GRM1: variants seen among roughly 807,000 people sequenced by gnomAD.
GRM1 encodes the protein glutamate metabotropic receptor 1.
In GRM1, 33 loss-of-function variants were observed where a neutral mutation model predicts 90.9. The ratio of observed to expected loss-of-function variants is 0.36; its 90% confidence interval spans 0.28 to 0.49. The LOEUF is 0.49. Among genes scored for constraint, GRM1 ranks in the 20% least tolerant of loss-of-function variants. The pLI, the probability that GRM1 is intolerant of heterozygous loss-of-function variation, is 0.99. For synonymous variants in GRM1, 700 were observed against 613.2 expected (o/e 1.14, Z -2.09); for missense variants, 1,190 against 1,534.3 (o/e 0.78, Z 3.75).
chr6:146,349,237 T>A (rs1338843167), intron 3 of GRM1, among the ~76,000 whole-genome samples: 71 of 106,036 alleles, frequency 6.7e-4, no homozygotes, highest in African/African-American at 2.4e-3. Context: ...CGGCTATTTT[T>A]TTTTTTTTAT....
chr6:146,039,289 C>G (rs1403864900), intron 1 of GRM1, among the ~76,000 whole-genome samples: 1 of 151,982 alleles, frequency 6.6e-6, no homozygotes, highest in Non-Finnish European at 1.5e-5. Context: ...AAGGTGACAT[C>G]TGAAGTTCAC....
intron 3 of GRM1, among the ~76,000 whole-genome samples, chr6:146,339,635 A>G (rs1036998428): frequency 1.2e-4 from 19 of 152,210 alleles, no homozygotes; most frequent in African/African-American, 4.6e-4. Context: ...GTCATTCACT[A>G]TAAGAATAAT....
At chr6:146,058,807 A>T (rs1333811747) in intron 1 of GRM1, among the ~76,000 whole-genome samples, 1 of 152,142 alleles carries the variant, frequency 6.6e-6, no homozygotes, top group East Asian at 1.9e-4. Flanking sequence ...CTTCACCAGG[A>T]GCAGATTTTG....
At chr6:146,332,117 G>A (rs561573485) in intron 3 of GRM1, among the ~76,000 whole-genome samples, 2 of 152,254 alleles carry the variant, frequency 1.3e-5, no homozygotes, top group African/African-American at 4.8e-5. Flanking sequence ...TTTTCATGGA[G>A]TATCTTTTTA....
chr6:146,329,704 T>A (rs1376306639), intron 3 of GRM1, among the ~76,000 whole-genome samples: 2 of 152,202 alleles, frequency 1.3e-5, no homozygotes, highest in African/African-American at 4.8e-5. Flanking sequence ...AAAAATGTGT[T>A]GAATACACCT....
chr6:146,343,334 A>G (rs1327982605), intron 3 of GRM1, among the ~76,000 whole-genome samples: 1 of 152,208 alleles, frequency 6.6e-6, no homozygotes, highest in African/African-American at 2.4e-5. Flanking sequence ...AAAAAATGCT[A>G]TGCTCTTTGA....
At chr6:146,106,343 A>T (rs897382082) in intron 1 of GRM1, among the ~76,000 whole-genome samples, 1 of 152,192 alleles carries the variant, frequency 6.6e-6, no homozygotes, top group Non-Finnish European at 1.5e-5. Flanking sequence ...ACAGACCCTT[A>T]AGATACCTTT....
chr6:146,123,853 C>T (rs1776097934), intron 1 of GRM1, among the ~76,000 whole-genome samples: 1 of 152,172 alleles, frequency 6.6e-6, no homozygotes, highest in African/African-American at 2.4e-5. Context: ...ACCATGGATT[C>T]ATCCTTATTT....
intron 2 of GRM1, among the ~76,000 whole-genome samples, chr6:146,209,527 T>G (rs1331078400): frequency 6.6e-6 from 1 of 152,158 alleles, no homozygotes; most frequent in East Asian, 1.9e-4. Context: ...GCACATGAGA[T>G]ACCTTTTATT....
chr6:146,152,608 T>G (rs1777379718), intron 1 of GRM1, among the ~76,000 whole-genome samples: 1 of 152,050 alleles, frequency 6.6e-6, no homozygotes. Context: ...TCCTCACTTG[T>G]AAAAGAGGGG....
chr6:146,378,335 GCTGCAGACACTCAACAGCAGC>G (rs546714300), intron 5 of GRM1, among the ~76,000 whole-genome samples: 48 of 152,280 alleles, frequency 3.2e-4, no homozygotes, highest in African/African-American at 1.1e-3. Context: ...GCCTGGAAAA[GCTGCAGACACTCAACAGCAGC>G]CCGTGAAAGC....
At chr6:146,058,647 G>T (rs1337921385) in intron 1 of GRM1, among the ~76,000 whole-genome samples, 1 of 152,040 alleles carries the variant, frequency 6.6e-6, no homozygotes, top group African/African-American at 2.4e-5. Flanking sequence ...TTTCATTAAC[G>T]ACTTCTCTGT....
intron 1 of GRM1, among the ~76,000 whole-genome samples, chr6:146,129,875 C>G (rs1035563918): frequency 2.0e-5 from 3 of 151,984 alleles, no homozygotes; most frequent in Non-Finnish European, 4.4e-5. Flanking sequence ...AGCCTGGACT[C>G]CTAAGGCTAG....
chr6:146,245,742 A>G (rs960813475), intron 2 of GRM1, among the ~76,000 whole-genome samples: 1 of 152,172 alleles, frequency 6.6e-6, no homozygotes, highest in African/African-American at 2.4e-5. Context: ...ATTATTGAGA[A>G]CCCTCTAAGG....
At chr6:146,358,589 G>A (rs1263764089) in intron 5 of GRM1, among the ~76,000 whole-genome samples, 2 of 152,196 alleles carry the variant, frequency 1.3e-5, no homozygotes, top group Non-Finnish European at 2.9e-5. Flanking sequence ...CTGCCATGCT[G>A]ACATGCCGCT....
intron 2 of GRM1, among the ~76,000 whole-genome samples, chr6:146,194,972 G>A (rs1191556572): frequency 6.6e-6 from 1 of 152,126 alleles, no homozygotes; most frequent in South Asian, 2.1e-4. Context: ...TTGTTGTAAA[G>A]AATTAAATGA....
At chr6:146,320,255 A>G (rs942771176) in intron 3 of GRM1, among the ~76,000 whole-genome samples, 4 of 152,120 alleles carry the variant, frequency 2.6e-5, no homozygotes, top group Admixed American at 6.5e-5. Context: ...TGTTTCTGTG[A>G]TGGATTACGT....
intron 2 of GRM1, among the ~76,000 whole-genome samples, chr6:146,208,749 C>G (rs1349915651): frequency 6.6e-6 from 1 of 152,080 alleles, no homozygotes; most frequent in Non-Finnish European, 1.5e-5. Context: ...AGATAAATTA[C>G]TGGCAGTATT....
At chr6:146,301,565 C>T (rs553978166) in intron 2 of GRM1, among the ~76,000 whole-genome samples, 1 of 152,278 alleles carries the variant, frequency 6.6e-6, no homozygotes, top group South Asian at 2.1e-4. Flanking sequence ...ACAAATTTCA[C>T]ATCTTATTAA....
Sources: gnomAD v4.1 joint callset for allele counts (sites outside exome capture counted in the v4.1 genomes callset) on GRCh38, gnomAD v4.1.1 for gene constraint, MANE v1.5 for transcripts, NCBI Gene and HGNC (gene_info 2026-07-23, HGNC 2026-07-21) for gene names.